The following ACAN variants were observed in gnomAD, a reference collection of about 807,000 sequenced individuals.
The protein encoded by ACAN is aggrecan core protein.
ACAN carries 47 observed loss-of-function variants against 169.1 expected under a neutral mutation model. The observed-to-expected ratio is 0.28, with a 90% CI of 0.22 to 0.35. The LOEUF (loss-of-function observed/expected upper bound fraction) is 0.35. Ranked by LOEUF, ACAN falls within the 10% of genes least tolerant of loss-of-function variation. ACAN has a pLI of 1.00. For synonymous variants in ACAN, 1,115 were observed against 1,112.2 expected (o/e 1.00, Z -0.05); for missense variants, 2,716 against 2,759.9 (o/e 0.98, Z 0.36).
At chr15:88,822,119 C>G (rs1567167278) in intron 1 of ACAN, among the ~76,000 whole-genome samples, 1 of 152,218 alleles carries the variant, frequency 6.6e-6, no homozygotes, top group Non-Finnish European at 1.5e-5. Context: ...CATGGCTGAC[C>G]TTAGTCTCCA....
At chr15:88,859,750 C>T (rs771025316) in intron 12 of ACAN, among the ~76,000 whole-genome samples, 1 of 152,194 alleles carries the variant, frequency 6.6e-6, no homozygotes, top group Non-Finnish European at 1.5e-5. Flanking sequence ...CACGTGAATT[C>T]AACTATCTGT....
rs566881508 is a variant in ACAN, at chr15:88,872,259, G to T, written c.7302+174G>T. 2.6e-5 allele frequency among the ~76,000 whole-genome samples: 4 copies of T among 152,168 alleles called. No individual in the cohort carries two copies. Among genetic ancestry groups the T allele is most frequent in the Non-Finnish European group, 5.9e-5 (4 of 68,018 alleles). On this transcript the variant is annotated intron_variant, in intron 16 of 18. Coordinates refer to ENST00000560601, the MANE Select transcript of ACAN (RefSeq NM_001369268.1). This position sits in a 1 kb window ranked among gnomAD's most constrained non-coding sequence, Gnocchi z 5.4. ...TCTCTGCCTCTGGAACCCAGCCCGGGGCTGGACAGATTGAGCTAATGATGG... is the reference window on the plus strand; with the variant it reads ...TCTCTGCCTCTGGAACCCAGCCCGGTGCTGGACAGATTGAGCTAATGATGG...
intron 11 of ACAN, among the ~76,000 whole-genome samples, chr15:88,853,745 G>C (rs1172916679): frequency 2.4e-5 from 3 of 124,806 alleles, no homozygotes; most frequent in Non-Finnish European, 3.6e-5. Context: ...ATGATAGATA[G>C]ATAGATAGAT....
At chr15:88,806,569 C>T (rs937598222) in intron 1 of ACAN, among the ~76,000 whole-genome samples, 19 of 152,226 alleles carry the variant, frequency 1.2e-4, no homozygotes, top group South Asian at 4.1e-4. Context: ...AGGCTGGTCT[C>T]GAACTTCTGA....
chr15:88,867,830 G>A (rs1427497011), intron 13 of ACAN, among the ~76,000 whole-genome samples: 4 of 152,138 alleles, frequency 2.6e-5, no homozygotes, highest in East Asian at 1.9e-4. Context: ...TCACCACCAC[G>A]TTCATAACCA....
chr15:88,873,987 C>A lies in ACAN; in HGVS notation c.7593C>A (p.Ser2531Arg), dbSNP rs754952252. Residue 2531 changes from serine (S) to arginine (R), a missense_variant, in exon 18 of 19, where the codon AGC becomes AGA. Around this residue, in one of 3 missense-constraint regions of ACAN, gnomAD observed 1,389 missense variants for 1,363.7 expected, o/e 1.02. Transcript: ENST00000560601. This position sits in a 1 kb window ranked among gnomAD's most constrained non-coding sequence, Gnocchi z 7.5. ...RHMPTIRCQP[S>R]GHWEEPQITC... Reference sequence around the variant, plus strand: ...TGCCCACCATCCGGTGCCAGCCCAGCGGGCACTGGGAGGAGCCTCAGATCA... The same window carrying A: ...TGCCCACCATCCGGTGCCAGCCCAGAGGGCACTGGGAGGAGCCTCAGATCA... The A allele has an allele frequency of 1.9e-6, 3 of 1,612,696 alleles. No homozygotes were observed. The South Asian group carries it at 3.3e-5, about 18-fold the overall frequency.
At chr15:88,817,267 G>A (rs1421502124) in intron 1 of ACAN, among the ~76,000 whole-genome samples, 5 of 151,826 alleles carry the variant, frequency 3.3e-5, no homozygotes, top group African/African-American at 4.8e-5. Flanking sequence ...TCGGCCTCCA[G>A]AGTAGCTGTG....
Position 88,847,896 on chromosome 15 carries a change from C to T in ACAN, c.1605-15C>T, listed in dbSNP as rs781769325. 6.2e-7 allele frequency: 1 copy of T among 1,612,210 alleles called. No homozygotes were observed. The highest frequency in any genetic ancestry group is 1.1e-5 in the South Asian group (1 of 90,848). On this transcript the variant is annotated splice_polypyrimidine_tract_variant and intron_variant, in intron 8 of 18. Coordinates refer to ENST00000560601, the MANE Select transcript of ACAN (RefSeq NM_001369268.1). ...GGAACAGGCCTTCATCTTCTCCTCC[C>T]ACTCTCCTTTGCAGATACCCCATTG...
chr15:88,837,433 A>G (rs2141559740), intron 2 of ACAN, among the ~76,000 whole-genome samples: 1 of 152,298 alleles, frequency 6.6e-6, no homozygotes, highest in Non-Finnish European at 1.5e-5. Flanking sequence ...TGTTGGCCTG[A>G]TTTACAACTT....
rs1395162269 is a variant in ACAN at position 88,807,765 on chromosome 15, T to TGTGTGTGC, written c.-8+3963_-8+3964insCGTGTGTG. ...GTGGTGGAGTGTGTGTGTGTGTGTG[T>TGTGTGTGC]GTGTGTGTGTGTGTGTGTGTGCATG... On this transcript the variant is annotated intron_variant, in intron 1 of 18. Transcript: ENST00000560601. The surrounding 1 kb of genome is among the most constrained non-coding windows in gnomAD (Gnocchi z 4.0). 1.2e-4 allele frequency among the ~76,000 whole-genome samples: 18 copies of TGTGTGTGC among 151,468 alleles called. No individual in the cohort carries two copies. The highest frequency in any genetic ancestry group is 4.4e-4 in the African/African-American group (18 of 41,246).
chr15:88,810,008 T>A (rs1190981234), intron 1 of ACAN, among the ~76,000 whole-genome samples: 1 of 152,174 alleles, frequency 6.6e-6, no homozygotes, highest in Non-Finnish European at 1.5e-5. Context: ...TTTCCTGAAC[T>A]TCTATTTTAC....
In ACAN at chr15:88,857,957, G is replaced by A. The variant is rs1053968435; in HGVS notation, c.5372G>A (p.Gly1791Glu). 3 of 1,613,722 alleles carry A rather than the reference G, an allele frequency of 1.9e-6. No homozygotes were observed. The African/African-American group carries it at 4.0e-5, about 22-fold the overall frequency. The change falls in exon 12 of 19, where the codon GGG becomes GAG. Residue 1791 changes from glycine to glutamate, a missense_variant. Gly to Glu is a moderately conservative substitution (Grantham distance 98, BLOSUM62 -2). Transcript: ENST00000560601. ...GITDLSGETS[G>E]VPDLSGQPSG... ...ACTGATCTGAGTGGAGAAACATCTGGGGTCCCTGATCTCAGTGGGCAGCCT... is the reference window on the plus strand; with the variant it reads ...ACTGATCTGAGTGGAGAAACATCTGAGGTCCCTGATCTCAGTGGGCAGCCT...
chr15:88,854,888 C>A lies in ACAN; in HGVS notation c.2303C>A (p.Thr768Lys). The A allele has an allele frequency of 6.6e-7, 1 of 1,524,328 alleles. No individual in the cohort carries two copies. The highest frequency in any genetic ancestry group is 8.7e-7 in the Non-Finnish European group (1 of 1,142,860). 94.4% of individuals were successfully genotyped at this position (1,524,328 alleles called of 1,614,324 possible). Reference protein sequence around the residue: ...LPTWPPTGAATEESTEGPSAT... With the variant: ...LPTWPPTGAAKEESTEGPSAT... The stretch of plus-strand genomic sequence containing the variant: ...ACTTGGCCTCCCACTGGCGCAGCAA[C>A]AGAGGAAAGTACAGAAGGCCCTTCT... The change falls in exon 12 of 19, where the codon ACA becomes AAA. Residue 768 changes from threonine to lysine, a missense_variant. Physicochemically the swap from Thr to Lys is moderately conservative, Grantham distance 78 (BLOSUM62 -1). Coordinates refer to ENST00000560601, the MANE Select transcript of ACAN (RefSeq NM_001369268.1).
In ACAN at chr15:88,868,958, T is replaced by C. The variant is rs1249187818; in HGVS notation, c.7060+629T>C. Among the ~76,000 whole-genome samples, 1 of 152,224 alleles carries C rather than the reference T, an allele frequency of 6.6e-6. No individual in the cohort carries two copies. The highest frequency in any genetic ancestry group is 1.5e-5 in the Non-Finnish European group (1 of 68,042). Reference sequence around the variant, plus strand: ...AGCCTATGCTTCCTTTCTCCCTCCCTTGTGCAAGGCAAAGGGTGGCCAGAG... The same window carrying C: ...AGCCTATGCTTCCTTTCTCCCTCCCCTGTGCAAGGCAAAGGGTGGCCAGAG... On this transcript the variant is annotated intron_variant, in intron 14 of 18. Transcript: ENST00000560601. This position sits in a 1 kb window ranked among gnomAD's most constrained non-coding sequence, Gnocchi z 5.2.
At position 88,845,609 on chromosome 15, in the gene ACAN, C is replaced by T. The variant is rs773948197; in HGVS notation, c.1156C>T (p.Arg386Ter). Residue 386 changes from arginine to a stop codon, truncating the protein, a stop_gained, in exon 7 of 19, where the codon CGA becomes TGA. Coordinates refer to ENST00000560601, the MANE Select transcript of ACAN (RefSeq NM_001369268.1). LOFTEE classifies it high-confidence loss of function. ...GCCTGACATGGAGCTGCCACTGCCTCGAAACATCACTGAGGGTGAAGCCCG... is the reference window on the plus strand; with the variant it reads ...GCCTGACATGGAGCTGCCACTGCCTTGAAACATCACTGAGGGTGAAGCCCG... ...TWPDMELPLP[R>*]NITEGEARGS... 6.2e-7 allele frequency: 1 copy of T among 1,613,928 alleles called. No individual in the cohort carries two copies. Among genetic ancestry groups the T allele is most frequent in the Admixed American group, 1.7e-5 (1 of 60,014 alleles).
At chr15:88,808,657 A>G (rs1949574090) in intron 1 of ACAN, among the ~76,000 whole-genome samples, 1 of 152,162 alleles carries the variant, frequency 6.6e-6, no homozygotes, top group Non-Finnish European at 1.5e-5. Context: ...TCATGGATAG[A>G]GCCAGGGGTA....
intron 7 of ACAN, among the ~76,000 whole-genome samples, chr15:88,846,982 A>T (rs944682351): frequency 6.6e-6 from 1 of 152,206 alleles, no homozygotes; most frequent in Non-Finnish European, 1.5e-5. Flanking sequence ...TGCTTCCCAA[A>T]CTCAAGTCTA....
At chr15:88,834,043 A>G (rs1022647719) in intron 1 of ACAN, among the ~76,000 whole-genome samples, 2 of 152,028 alleles carry the variant, frequency 1.3e-5, no homozygotes, top group African/African-American at 4.8e-5. Context: ...CTGGGGAACT[A>G]TTTCCCAGCC....
rs698621 is a variant in ACAN, at chr15:88,859,365, T to A, written c.6780T>A (p.Ala2260=). The change falls in exon 12 of 19, where the codon GCT becomes GCA. Residue 2260 remains alanine, a synonymous_variant. Transcript: ENST00000560601. ...AAACAGCCACCTCCCCAACAGATGC[T>A]TCCATCCCAGCTTCTCCGGAATGGA... is the stretch of plus-strand genomic sequence containing the variant. ...TVETATSPTD[A]SIPASPEWKR... is the part of the protein sequence containing the mutation. The A allele has an allele frequency of 3.6e-5, 57 of 1,584,150 alleles. No homozygotes were observed. The highest frequency in any genetic ancestry group is 3.3e-4 in the Middle Eastern group (2 of 6,052).
Sources: gnomAD v4.1 joint callset for allele counts (sites outside exome capture counted in the v4.1 genomes callset) on GRCh38, gnomAD v4.1.1 for gene constraint, gnomAD v4.1.1 regional missense constraint, Gnocchi (gnomAD v3.1) non-coding constraint, MANE v1.5 for transcripts, NCBI Gene and HGNC (gene_info 2026-07-23, HGNC 2026-07-21) for gene names.